Variants in IGFBP1 observed in about 807,000 individuals in gnomAD.
IGFBP1 encodes the protein insulin like growth factor binding protein 1.
Under a neutral mutation model 23.1 loss-of-function variants are expected in IGFBP1, and 31 were observed. The ratio of observed to expected loss-of-function variants is 1.34; its 90% CI spans 1.01 to 1.81. The LOEUF (loss-of-function observed/expected upper bound fraction) is 1.81. Ranked by LOEUF, IGFBP1 falls within the 40% of genes most tolerant of loss-of-function variation. The pLI, the probability that IGFBP1 is intolerant of heterozygous loss-of-function variation, is 0.00. For synonymous variants in IGFBP1, 148 were observed against 145.5 expected, an observed-to-expected ratio of 1.02 and a Z score of -0.13; for missense variants, 333 against 342.2, an observed-to-expected ratio of 0.97 and a Z score of 0.21.
chr7:45,892,540 T>A (rs947416677), intron 3 of IGFBP1, among the ~76,000 whole-genome samples: 2 of 152,164 alleles, frequency 1.3e-5, no homozygotes, highest in Non-Finnish European at 2.9e-5. Context: ...AGACCAAGAT[T>A]TCATATTGAG....
At chr7:45,890,840 C>T (rs1426954819) in intron 2 of IGFBP1, 123 bp downstream of exon 2, 2 of 872,420 alleles carry the variant, frequency 2.3e-6, no homozygotes, top group South Asian at 1.8e-5. Context: ...AATGCTTTTC[C>T]CCCAAAACCT....
chr7:45,888,522 C>T lies in IGFBP1; in HGVS notation c.-131C>T. The stretch of plus-strand genomic sequence containing the variant: ...CGCCATCCCATCCAGCGAGCATCTG[C>T]CGCCGCGCCGCCGCCACCCTCCCAG... On this transcript the variant is annotated 5_prime_UTR_variant, in exon 1 of 4. Transcript: ENST00000275525. The T allele has an allele frequency of 1.4e-6, 1 of 735,416 alleles. No individual in the cohort carries two copies. Among genetic ancestry groups the T allele is most frequent in the Non-Finnish European group, 2.2e-6 (1 of 450,550 alleles). 45.6% of individuals were successfully genotyped at this position (735,416 alleles called of 1,614,324 possible). A position where few individuals can be genotyped will look rare whatever the true frequency, so the allele number is the denominator to read the frequency against.
chr7:45,890,414 T>C (rs1787059386), intron 1 of IGFBP1, 134 bp from the exon 2 acceptor site: 1 of 843,112 alleles, frequency 1.2e-6, no homozygotes, highest in African/African-American at 1.7e-5. Flanking sequence ...TGAGAGTCAG[T>C]GAAAATCAGG....
intron 2 of IGFBP1, among the ~76,000 whole-genome samples, chr7:45,891,005 T>G (rs1787070572): frequency 6.6e-6 from 1 of 152,314 alleles, no homozygotes; most frequent in Non-Finnish European, 1.5e-5. Context: ...TGAGTTACAT[T>G]GTTCCAAAAC....
rs111255251 is a variant in IGFBP1, at chr7:45,888,677, G to T, written c.25G>T (p.Val9Phe). The T allele has an allele frequency of 3.1e-4, 500 of 1,598,208 alleles. 8 individuals carry two copies. The African/African-American group carries it at 5.9e-3, about 19-fold the overall frequency. The change falls in exon 1 of 4, where the codon GTC becomes TTC. Residue 9 changes from valine (V) to phenylalanine (F), a missense_variant. Transcript: ENST00000275525. MSEVPVAR[V>F]WLVLLLLTVQ... ...GATGTCAGAGGTCCCCGTTGCTCGC[G>T]TCTGGCTGGTACTGCTCCTGCTGAC...
Position 45,888,507 on chromosome 7 carries a change from T to C in IGFBP1, c.-146T>C, listed in dbSNP as rs968100065. The C allele has an allele frequency of 7.5e-6, 5 of 670,248 alleles. No homozygotes were observed. Among genetic ancestry groups the C allele is most frequent in the African/African-American group, 1.9e-5 (1 of 53,486 alleles). 41.5% of individuals were successfully genotyped at this position (670,248 alleles called of 1,614,324 possible). A position where few individuals can be genotyped will look rare whatever the true frequency, so the allele number is the denominator to read the frequency against. ...GCGAGCATCGGCCACCGCCATCCCA[T>C]CCAGCGAGCATCTGCCGCCGCGCCG... On this transcript the variant is annotated 5_prime_UTR_variant, in exon 1 of 4. Coordinates refer to ENST00000275525, the MANE Select transcript of IGFBP1 (RefSeq NM_000596.4).
At position 45,892,988 on chromosome 7, in the gene IGFBP1, G is replaced by A; in HGVS notation, c.677G>A (p.Gly226Glu). 6.2e-7 allele frequency: 1 copy of A among 1,613,232 alleles called. No homozygotes were observed. ...QCETSMDGEA[G>E]LCWCVYPWNG... Reference sequence around the variant, plus strand: ...GAGACATCCATGGATGGAGAGGCGGGACTCTGCTGGTGCGTCTACCCTTGG... The same window carrying A: ...GAGACATCCATGGATGGAGAGGCGGAACTCTGCTGGTGCGTCTACCCTTGG... Residue 226 changes from glycine (G) to glutamate (E), a missense_variant, in exon 4 of 4, where the codon GGA becomes GAA. Physicochemically the swap from Gly to Glu is moderately conservative, Grantham distance 98 (BLOSUM62 -2). Transcript: ENST00000275525.
chr7:45,888,917 G>T lies in IGFBP1; in HGVS notation c.265G>T (p.Gly89Trp). 3 of 1,505,638 alleles carry T rather than the reference G, an allele frequency of 2.0e-6. No homozygotes were observed. The highest frequency in any genetic ancestry group is 2.6e-6 in the Non-Finnish European group (3 of 1,137,614). The allele number at this position is 1,505,638 out of a possible 1,614,324, so 93.3% of individuals were successfully genotyped here. Residue 89 changes from glycine to tryptophan, a missense_variant, in exon 1 of 4, where the codon GGG becomes TGG. Gly to Trp is a radical substitution (Grantham distance 184, BLOSUM62 -2). Coordinates refer to ENST00000275525, the MANE Select transcript of IGFBP1 (RefSeq NM_000596.4). ...GGGACTCAGTTGCCGCGCGCTGCCG[G>T]GGGAGCAGCAACCTCTGCACGCCCT... ...ARGLSCRALPGEQQPLHALTR... is the reference protein window; with the variant it reads ...ARGLSCRALPWEQQPLHALTR...
chr7:45,888,953 C>T lies in IGFBP1; in HGVS notation c.301C>T (p.Gln101Ter). The part of the protein sequence containing the change: ...QQPLHALTRG[Q>*]GACVQESDAS... ...ACCTCTGCACGCCCTCACCCGCGGC[C>T]AAGGCGCCTGCGTGCAGGAGTCTGA... The change falls in exon 1 of 4, where the codon CAA becomes TAA. Residue 101 changes from glutamine (Q) to a stop codon, truncating the protein, a stop_gained. Coordinates refer to ENST00000275525, the MANE Select transcript of IGFBP1 (RefSeq NM_000596.4). LOFTEE classifies it high-confidence loss of function. The T allele has an allele frequency of 6.6e-7, 1 of 1,522,128 alleles. No individual in the cohort carries two copies. The allele number at this position is 1,522,128 out of a possible 1,614,324, so 94.3% of individuals were successfully genotyped here.
intron 3 of IGFBP1, among the ~76,000 whole-genome samples, 192 bp from the exon 4 acceptor site, chr7:45,892,768 C>T (rs1043079449): frequency 2.6e-5 from 4 of 152,234 alleles, no homozygotes; most frequent in Non-Finnish European, 4.4e-5. Flanking sequence ...GCCACTCGGT[C>T]ACTGTCTCTA....
intron 3 of IGFBP1, 118 bp from the exon 4 acceptor site, chr7:45,892,842 C>T (rs560341930): frequency 1.1e-4 from 97 of 892,608 alleles, no homozygotes; most frequent in African/African-American, 1.0e-3. Flanking sequence ...GTTTCACAGC[C>T]GGGACTCTTG....
At chr7:45,892,610 A>G (rs188236772) in intron 3 of IGFBP1, among the ~76,000 whole-genome samples, 2 of 152,226 alleles carry the variant, frequency 1.3e-5, no homozygotes, top group Non-Finnish European at 2.9e-5. Context: ...GAAACTGAGG[A>G]CTAGGCCCTG....
rs1195568130 is a variant in IGFBP1 at position 45,888,857 on chromosome 7, G to A, written c.205G>A (p.Ala69Thr). The change falls in exon 1 of 4, where the codon GCC becomes ACC. Residue 69 changes from alanine (A) to threonine (T), a missense_variant. Physicochemically the swap from Ala to Thr is moderately conservative, Grantham distance 58 (BLOSUM62 0). Coordinates refer to ENST00000275525, the MANE Select transcript of IGFBP1 (RefSeq NM_000596.4). ...CCPMCALPLGAACGVATARCA... is the reference protein window; with the variant it reads ...CCPMCALPLGTACGVATARCA... ...CCCGATGTGCGCCCTGCCTCTGGGC[G>A]CCGCGTGCGGCGTGGCGACTGCACG... The A allele has an allele frequency of 5.9e-6, 9 of 1,514,090 alleles. No homozygotes were observed. In the South Asian group the frequency reaches 7.4e-5, roughly 12 times the overall value. 93.8% of individuals were successfully genotyped at this position (1,514,090 alleles called of 1,614,324 possible). A position where few individuals can be genotyped will look rare whatever the true frequency, so the allele number is the denominator to read the frequency against.
In IGFBP1 at chr7:45,893,183, T is replaced by TAC; in HGVS notation, c.*92_*93insAC. ...ATGCACATTTATATATATATGTATA[T>TAC]GTATATATATATAGTAACTACTTTT... On this transcript the variant is annotated 3_prime_UTR_variant, in exon 4 of 4. Transcript: ENST00000275525. 1.7e-6 allele frequency: 1 copy of TAC among 580,590 alleles called. No individual in the cohort carries two copies. The highest frequency in any genetic ancestry group is 2.6e-6 in the Non-Finnish European group (1 of 391,822). 36.0% of individuals were successfully genotyped at this position (580,590 alleles called of 1,614,324 possible).
rs776999181 is a variant in IGFBP1, at chr7:45,890,602, T to A, written c.404T>A (p.Leu135Gln). The A allele has an allele frequency of 6.2e-7, 1 of 1,613,892 alleles. No individual in the cohort carries two copies. Among genetic ancestry groups the A allele is most frequent in the Admixed American group, 1.7e-5 (1 of 60,006 alleles). The change falls in exon 2 of 4, where the codon CTG becomes CAG. Residue 135 changes from leucine to glutamine, a missense_variant. Coordinates refer to ENST00000275525, the MANE Select transcript of IGFBP1 (RefSeq NM_000596.4). ...ESTEITEEEL[L>Q]DNFHLMAPSE... ...ACGGAGATAACTGAGGAGGAGCTCC[T>A]GGATAATTTCCATCTGATGGCCCCT...
chr7:45,888,615 A>G lies in IGFBP1; in HGVS notation c.-38A>G. On this transcript the variant is annotated 5_prime_UTR_variant, in exon 1 of 4. Transcript: ENST00000275525. Reference sequence around the variant, plus strand: ...GGCCACCGCCCGCCGCCACCAGCCCAGAGAGCATCGGCCCCTGTCTGCTGC... The same window carrying G: ...GGCCACCGCCCGCCGCCACCAGCCCGGAGAGCATCGGCCCCTGTCTGCTGC... The G allele has an allele frequency of 6.5e-7, 1 of 1,546,828 alleles. No individual in the cohort carries two copies. The highest frequency in any genetic ancestry group is 8.7e-7 in the Non-Finnish European group (1 of 1,144,576).
rs768581187 is a variant in IGFBP1 at position 45,888,877 on chromosome 7, T to G, written c.225T>G (p.Thr75=). ...TGGGCGCCGCGTGCGGCGTGGCGAC[T>G]GCACGCTGCGCCCGGGGACTCAGTT... is the stretch of plus-strand genomic sequence containing the variant. ...LPLGAACGVA[T]ARCARGLSCR... Residue 75 remains threonine (T), a synonymous_variant, in exon 1 of 4, where the codon ACT becomes ACG. Coordinates refer to ENST00000275525, the MANE Select transcript of IGFBP1 (RefSeq NM_000596.4). 1.2e-4 allele frequency: 177 copies of G among 1,506,578 alleles called. No homozygotes were observed. In the Middle Eastern group the frequency reaches 1.7e-3, roughly 15 times the overall value. The allele number at this position is 1,506,578 out of a possible 1,614,324, so 93.3% of individuals were successfully genotyped here.
intron 1 of IGFBP1, 121 bp from the exon 2 acceptor site, chr7:45,890,427 A>G: frequency 1.0e-6 from 1 of 966,910 alleles, no homozygotes; most frequent in Admixed American, 2.6e-5. Flanking sequence ...AAATCAGGTT[A>G]GGGAATGTGG....
At chr7:45,889,078 A>C in intron 1 of IGFBP1, 77 bp downstream of exon 1, 41 of 1,068,932 alleles carry the variant, frequency 3.8e-5, no homozygotes, top group Non-Finnish European at 4.6e-5. Context: ...CACTCCCCTA[A>C]CTACTGGGTG....
Sources: allele counts gnomAD v4.1 joint callset (sites outside exome capture counted in the v4.1 genomes callset), GRCh38; gene constraint gnomAD v4.1.1; transcripts MANE v1.5; gene names NCBI Gene and HGNC (gene_info 2026-07-23, HGNC 2026-07-21).